RAB1B: variants seen among roughly 807,000 people sequenced by gnomAD.
RAB1B encodes the protein ras-related protein Rab-1B.
RAB1B carries 10 observed loss-of-function variants against 24.8 expected under a neutral mutation model. The ratio of observed to expected loss-of-function variants is 0.40; its 90% CI spans 0.25 to 0.68. RAB1B has a LOEUF of 0.68. Among genes scored for constraint, RAB1B ranks in the 30% least tolerant of loss-of-function variants. The probability of loss-of-function intolerance (pLI) is 0.37; values close to 1 mark genes in which losing one functional copy is unlikely to be tolerated. For missense variants in RAB1B, 154 were observed against 271.2 expected (o/e 0.57, Z 3.04); for synonymous variants, 99 against 111.7 (o/e 0.89, Z 0.72).
In RAB1B at chr11:66,276,499, A is replaced by C; in HGVS notation, c.*261A>C. On this transcript the variant is annotated 3_prime_UTR_variant, in exon 6 of 6. Transcript: ENST00000311481. Reference sequence around the variant, plus strand: ...GCTGTTGCCTCTAGGTGACTTTCCAAGATGCCCCCCTACACACCTTTCTTT... The same window carrying C: ...GCTGTTGCCTCTAGGTGACTTTCCACGATGCCCCCCTACACACCTTTCTTT... 2.1e-6 allele frequency: 1 copy of C among 467,980 alleles called. No individual in the cohort carries two copies. The highest frequency in any genetic ancestry group is 3.8e-6 in the Non-Finnish European group (1 of 265,712). 29.0% of individuals were successfully genotyped at this position (467,980 alleles called of 1,614,324 possible).
chr11:66,272,659 G>A, intron 4 of RAB1B, 199 bp downstream of exon 4: 1 of 435,524 alleles, frequency 2.3e-6, no homozygotes, highest in South Asian at 4.1e-5. Context: ...AACAGCCACA[G>A]AAATGGATCC....
At chr11:66,269,513 C>T (rs1857017132) in intron 1 of RAB1B, among the ~76,000 whole-genome samples, 1 of 152,228 alleles carries the variant, frequency 6.6e-6, no homozygotes, top group Non-Finnish European at 1.5e-5. Flanking sequence ...CCCCAAGTAT[C>T]AGTTATCTTC....
At chr11:66,268,822 A>ACCT (rs1555003526) in intron 1 of RAB1B, 129 bp downstream of exon 1, 1 of 620,766 alleles carries the variant, frequency 1.6e-6, no homozygotes, top group South Asian at 5.1e-5. Flanking sequence ...TCTTCCGCTG[A>ACCT]CCCCCCCCCA....
chr11:66,275,469 GCT>G (rs1056740162), intron 4 of RAB1B, among the ~76,000 whole-genome samples: 3 of 152,132 alleles, frequency 2.0e-5, no homozygotes, highest in African/African-American at 7.2e-5. Flanking sequence ...TCTCCCGTCC[GCT>G]CTCTCTTTGC....
chr11:66,275,499 G>C (rs1439585776), intron 4 of RAB1B, among the ~76,000 whole-genome samples: 1 of 152,142 alleles, frequency 6.6e-6, no homozygotes, highest in Non-Finnish European at 1.5e-5. Flanking sequence ...ATGTGGTTAG[G>C]GCCTGCAAGT....
At chr11:66,271,488 CA>C (rs71270565) in intron 1 of RAB1B, 5,366 of 48,428 alleles carry the variant, frequency 0.11, 141 homozygotes, top group African/African-American at 0.24. Context: ...AACTCAGTCT[CA>C]AAAAAAAAAA....
At chr11:66,270,735 T>G (rs1250070487) in intron 1 of RAB1B, 1 of 152,270 alleles carries the variant, frequency 6.6e-6, no homozygotes, top group African/African-American at 2.4e-5. Context: ...CTACGTGGGT[T>G]TTCAACTTAA....
Position 66,271,695 on chromosome 11 carries a change from A to G in RAB1B, c.15-102A>G, listed in dbSNP as rs553549162. The G allele has an allele frequency of 1.3e-4, 107 of 804,984 alleles. No homozygotes were observed. The South Asian group carries it at 1.5e-3, about 11-fold the overall frequency. 49.9% of individuals were successfully genotyped at this position (804,984 alleles called of 1,614,324 possible). On this transcript the variant is annotated intron_variant, in intron 1 of 5. Coordinates refer to ENST00000311481, the MANE Select transcript of RAB1B (RefSeq NM_030981.3). ...CTAAAAAAAAAATAAAAATAAACCAAGGGATGCCTCATGGGGTGGGGGAAT... is the reference window on the plus strand; with the variant it reads ...CTAAAAAAAAAATAAAAATAAACCAGGGGATGCCTCATGGGGTGGGGGAAT...
At chr11:66,269,562 G>T (rs1565180558) in intron 1 of RAB1B, among the ~76,000 whole-genome samples, 1 of 152,174 alleles carries the variant, frequency 6.6e-6, no homozygotes, top group Non-Finnish European at 1.5e-5. Context: ...TCCACATCCA[G>T]GTCTCAGATT....
chr11:66,271,637 C>T (rs1857059303), intron 1 of RAB1B, 160 bp from the exon 2 acceptor site: 7 of 588,344 alleles, frequency 1.2e-5, no homozygotes, highest in Non-Finnish European at 2.1e-5. Context: ...CTTCAGTGCA[C>T]TGTAGCCTGG....
At position 66,276,729 on chromosome 11, in the gene RAB1B, G is replaced by C. The variant is rs954870544; in HGVS notation, c.*491G>C. ...GGGCCCTGGGCTGGACCTCAGGACA[G>C]GCATGGAGGCCACAGGGGCCCAGCA... On this transcript the variant is annotated 3_prime_UTR_variant, in exon 6 of 6. Transcript: ENST00000311481. 6.5e-6 allele frequency: 1 copy of C among 154,044 alleles called. No homozygotes were observed. The highest frequency in any genetic ancestry group is 2.4e-5 in the African/African-American group (1 of 41,464). 9.5% of individuals were successfully genotyped at this position (154,044 alleles called of 1,614,324 possible).
At chr11:66,270,552 T>TG in intron 1 of RAB1B, 1 of 152,372 alleles carries the variant, frequency 6.6e-6, no homozygotes, top group Non-Finnish European at 1.5e-5. Flanking sequence ...CACTCCAGCC[T>TG]GGTGAGAGAG....
At chr11:66,269,305 T>C (rs1353398078) in intron 1 of RAB1B, among the ~76,000 whole-genome samples, 1 of 152,024 alleles carries the variant, frequency 6.6e-6, no homozygotes, top group Non-Finnish European at 1.5e-5. Context: ...TCCCGCCCTC[T>C]CCTCGCTTTT....
intron 1 of RAB1B, chr11:66,271,584 C>G: frequency 2.5e-6 from 1 of 396,284 alleles, no homozygotes; most frequent in Non-Finnish European, 4.6e-6. Context: ...GTGGGAAGAT[C>G]ACTTTGAGCC....
chr11:66,272,858 G>A (rs1291903500), intron 4 of RAB1B, among the ~76,000 whole-genome samples: 1 of 152,214 alleles, frequency 6.6e-6, no homozygotes, highest in Non-Finnish European at 1.5e-5. Context: ...GACAATTAGA[G>A]GGCCTTAGAC....
chr11:66,272,117 T>A, intron 2 of RAB1B, 40 bp from the exon 3 acceptor site: 1 of 1,456,620 alleles, frequency 6.9e-7, no homozygotes, highest in Non-Finnish European at 9.6e-7. Context: ...GGGCCTCACC[T>A]CATTAACTCC....
intron 1 of RAB1B, among the ~76,000 whole-genome samples, chr11:66,269,234 G>T (rs1397990360): frequency 6.6e-6 from 1 of 151,996 alleles, no homozygotes; most frequent in African/African-American, 2.4e-5. Context: ...CTCTCTTCCG[G>T]GGCTGCCTCC....
In RAB1B at chr11:66,276,438, CAG is replaced by C. The variant is rs1857147546; in HGVS notation, c.*201_*202del. ...GTCAGGGTCCCTAAGGGAGGACACT[CAG>C]GGCCTGTGGCCAGGCAGGGCGGAGG... On this transcript the variant is annotated 3_prime_UTR_variant, in exon 6 of 6. Coordinates refer to ENST00000311481, the MANE Select transcript of RAB1B (RefSeq NM_030981.3). The C allele has an allele frequency of 5.2e-6, 3 of 574,196 alleles. No homozygotes were observed. The highest frequency in any genetic ancestry group is 3.9e-5 in the African/African-American group (2 of 51,670). The allele number at this position is 574,196 out of a possible 1,614,324, so 35.6% of individuals were successfully genotyped here.
rs759658304 is a variant in RAB1B at position 66,271,828 on chromosome 11, G to A, written c.46G>A (p.Asp16Asn). Residue 16 changes from aspartate (D) to asparagine (N), a missense_variant, in exon 2 of 6, where the codon GAC becomes AAC. Around this residue, in one of 2 missense-constraint regions of RAB1B, gnomAD observed 77 missense variants for 173.4 expected, o/e 0.44. Coordinates refer to ENST00000311481, the MANE Select transcript of RAB1B (RefSeq NM_030981.3). The part of the protein sequence containing the change: ...DYLFKLLLIG[D>N]SGVGKSCLLL... ...CCTGTTTAAGCTGCTTTTGATTGGC[G>A]ACTCAGGCGTGGGCAAGTCATGCCT... 6 of 1,613,924 alleles carry A rather than the reference G, an allele frequency of 3.7e-6. No individual in the cohort carries two copies. Among genetic ancestry groups the A allele is most frequent in the African/African-American group, 1.3e-5 (1 of 74,906 alleles).
Sources: allele counts gnomAD v4.1 joint callset (sites outside exome capture counted in the v4.1 genomes callset), GRCh38; gene constraint gnomAD v4.1.1; regional missense constraint gnomAD v4.1.1; transcripts MANE v1.5; gene names NCBI Gene and HGNC (gene_info 2026-07-23, HGNC 2026-07-21).